Variants in FAM210B observed in about 807,000 individuals in gnomAD.
The protein encoded by FAM210B is mitochondrial inner membrane scaffold 2, also known as family with sequence similarity 210 member B.
A neutral mutation model predicts 14.9 loss-of-function variants in FAM210B; 11 were observed. The observed-to-expected ratio is 0.74, with a 90% CI of 0.46 to 1.22. The LOEUF (loss-of-function observed/expected upper bound fraction) is 1.22, where lower values mean the gene tolerates loss of function less well. Ranked by LOEUF, FAM210B falls within the 50% of genes most tolerant of loss-of-function variation. The probability of loss-of-function intolerance (pLI) is 0.00; values close to 1 mark genes in which losing one functional copy is unlikely to be tolerated. For missense variants in FAM210B, 229 were observed against 250.1 expected (o/e 0.92, Z 0.57); for synonymous variants, 113 against 110.2 (o/e 1.03, Z -0.16).
At chr20:56,364,963 A>T in intron 1 of FAM210B, 124 bp from the exon 2 acceptor site, 3 of 928,440 alleles carry the variant, frequency 3.2e-6, no homozygotes, top group Non-Finnish European at 4.6e-6. Flanking sequence ...CAAAAGAAAA[A>T]GGAAAGGGGT....
At chr20:56,365,060 ACCT>A in intron 1 of FAM210B, 24 bp from the exon 2 acceptor site, 1 of 1,598,666 alleles carries the variant, frequency 6.3e-7, no homozygotes, top group Non-Finnish European at 8.5e-7. Flanking sequence ...GCCCTAAAGC[ACCT>A]CCTCTTCTCT....
In FAM210B at chr20:56,359,576, A is replaced by G. The variant is rs1162066689; in HGVS notation, c.186+385A>G. On this transcript the variant is annotated intron_variant, in intron 1 of 2. Coordinates refer to ENST00000371384, the MANE Select transcript of FAM210B (RefSeq NM_080821.3). The surrounding 1 kb of genome is among the most constrained non-coding windows in gnomAD (Gnocchi z 4.3). ...CTCGCTGTGTTTTGAACACCTCCCG[A>G]CGCTCGCTGCTCCTCCCTTTTCTTC... Among the ~76,000 whole-genome samples the G allele has an allele frequency of 2.6e-5, 4 of 152,088 alleles. No individual in the cohort carries two copies. Among genetic ancestry groups the G allele is most frequent in the African/African-American group, 9.7e-5 (4 of 41,406 alleles).
At chr20:56,364,174 A>G (rs1435917958) in intron 1 of FAM210B, among the ~76,000 whole-genome samples, 1 of 152,248 alleles carries the variant, frequency 6.6e-6, no homozygotes, top group East Asian at 1.9e-4. Context: ...GGTTTAAAAC[A>G]ATCCACATTT....
intron 1 of FAM210B, among the ~76,000 whole-genome samples, chr20:56,364,723 G>T (rs1266707889): frequency 2.0e-5 from 3 of 152,180 alleles, no homozygotes; most frequent in Non-Finnish European, 4.4e-5. Flanking sequence ...GGGAGGCCAA[G>T]GCGGGTGGAT....
chr20:56,360,326 G>C (rs576108881), intron 1 of FAM210B: 2 of 450,530 alleles, frequency 4.4e-6, no homozygotes, highest in East Asian at 7.0e-5. Context: ...GTGAGGTCTC[G>C]GATGCCTCCA....
In FAM210B at chr20:56,359,401, G is replaced by A. The variant is rs1983487487; in HGVS notation, c.186+210G>A. On this transcript the variant is annotated intron_variant, in intron 1 of 2. Coordinates refer to ENST00000371384, the MANE Select transcript of FAM210B (RefSeq NM_080821.3). This position sits in a 1 kb window ranked among gnomAD's most constrained non-coding sequence, Gnocchi z 4.3. ...TGACAGCCAGAGAAACTGAGGCTCG[G>A]GAAGGTGTGGCGCTCTGCCCAAGGT... Among the ~76,000 whole-genome samples, 3 of 152,250 alleles carry A rather than the reference G, an allele frequency of 2.0e-5. No homozygotes were observed. The South Asian group carries it at 6.2e-4, about 31-fold the overall frequency.
At position 56,366,235 on chromosome 20, in the gene FAM210B, T is replaced by G; in HGVS notation, c.527T>G (p.Val176Gly). 6.2e-7 allele frequency: 1 copy of G among 1,614,158 alleles called. No homozygotes were observed. Among genetic ancestry groups the G allele is most frequent in the Non-Finnish European group, 8.5e-7 (1 of 1,180,028 alleles). Residue 176 changes from valine (V) to glycine (G), a missense_variant, in exon 3 of 3, where the codon GTC becomes GGC. Physicochemically the swap from Val to Gly is moderately radical, Grantham distance 109. Coordinates refer to ENST00000371384, the MANE Select transcript of FAM210B (RefSeq NM_080821.3). The part of the protein sequence containing the change: ...SITLVSVPLI[V>G]RYFRKVGFFK... ...ACGCTAGTCTCTGTGCCCTTGATTG[T>G]CAGATATTTTCGAAAAGTGGGATTT... is the stretch of plus-strand genomic sequence containing the variant.
rs1361408880 is a variant in FAM210B at position 56,363,127 on chromosome 20, C to T, written c.187-1960C>T. ...AGAAAGGGGGGCTGATGACATCTTCCCTCCTCCCCTCCAGAGCCTGGACAT... is the reference window on the plus strand; with the variant it reads ...AGAAAGGGGGGCTGATGACATCTTCTCTCCTCCCCTCCAGAGCCTGGACAT... On this transcript the variant is annotated intron_variant, in intron 1 of 2. Coordinates refer to ENST00000371384, the MANE Select transcript of FAM210B (RefSeq NM_080821.3). The surrounding 1 kb of genome is among the most constrained non-coding windows in gnomAD (Gnocchi z 4.1). 6.6e-6 allele frequency among the ~76,000 whole-genome samples: 1 copy of T among 152,206 alleles called. No individual in the cohort carries two copies. The highest frequency in any genetic ancestry group is 1.5e-5 in the Non-Finnish European group (1 of 68,040).
chr20:56,360,544 TTC>T (rs964292122), intron 1 of FAM210B: 2 of 212,694 alleles, frequency 9.4e-6, no homozygotes, highest in African/African-American at 4.6e-5. Flanking sequence ...TCAAATTCCC[TTC>T]TCTCTATCTC....
rs981279351 is a variant in FAM210B at position 56,360,330 on chromosome 20, G to C, written c.186+1139G>C. ...TCTAACGACCTGTGAGGTCTCGGATGCCTCCACTGGGCCTGCTTCCACCCC... is the reference window on the plus strand; with the variant it reads ...TCTAACGACCTGTGAGGTCTCGGATCCCTCCACTGGGCCTGCTTCCACCCC... On this transcript the variant is annotated intron_variant, in intron 1 of 2. Coordinates refer to ENST00000371384, the MANE Select transcript of FAM210B (RefSeq NM_080821.3). 9.6e-5 allele frequency: 43 copies of C among 447,358 alleles called. No homozygotes were observed. The East Asian group carries it at 3.0e-3, about 31-fold the overall frequency. The allele number at this position is 447,358 out of a possible 1,614,324, so 27.7% of individuals were successfully genotyped here. A position where few individuals can be genotyped will look rare whatever the true frequency, so the allele number is the denominator to read the frequency against.
rs2146110322 is a variant in FAM210B, at chr20:56,367,395, T to A, written c.*1108T>A. 1 of 152,524 alleles carries A rather than the reference T, an allele frequency of 6.6e-6. No individual in the cohort carries two copies. Among genetic ancestry groups the A allele is most frequent in the East Asian group, 1.9e-4 (1 of 5,184 alleles). The allele number at this position is 152,524 out of a possible 1,614,324, so 9.4% of individuals were successfully genotyped here. ...GGCTCACGCCTGTAATCCCAGCACT[T>A]TGGGAGGTTGAGGCAGGCGTGTCAC... On this transcript the variant is annotated 3_prime_UTR_variant, in exon 3 of 3. Transcript: ENST00000371384.
chr20:56,364,460 G>A (rs537680646), intron 1 of FAM210B, among the ~76,000 whole-genome samples: 22 of 152,272 alleles, frequency 1.4e-4, no homozygotes, highest in Non-Finnish European at 2.1e-4. Context: ...TTGTGATGAC[G>A]TTGGTAATAA....
chr20:56,364,546 A>G (rs1199290315), intron 1 of FAM210B, among the ~76,000 whole-genome samples: 1 of 152,214 alleles, frequency 6.6e-6, no homozygotes, highest in Non-Finnish European at 1.5e-5. Flanking sequence ...TCTGCCATGT[A>G]AGGTGACATA....
chr20:56,364,944 ACT>A (rs1217953339), intron 1 of FAM210B, 141 bp from the exon 2 acceptor site: 6 of 764,630 alleles, frequency 7.8e-6, no homozygotes, highest in South Asian at 2.2e-5. Context: ...ACAGAGTGAG[ACT>A]CTGTCTCAAA....
chr20:56,365,282 T>C lies in FAM210B; in HGVS notation c.362+20T>C. On this transcript the variant is annotated intron_variant, in intron 2 of 2. Transcript: ENST00000371384. ...GTCAAGGTAAGATTTTTGACAGTAA[T>C]TAATATTTGTTTTTTACTGTCATGT... 1 of 1,601,936 alleles carries C rather than the reference T, an allele frequency of 6.2e-7. No homozygotes were observed. Among genetic ancestry groups the C allele is most frequent in the Non-Finnish European group, 8.5e-7 (1 of 1,173,608 alleles).
At position 56,365,030 on chromosome 20, in the gene FAM210B, G is replaced by A. The variant is rs567958304; in HGVS notation, c.187-57G>A. On this transcript the variant is annotated intron_variant, in intron 1 of 2. Coordinates refer to ENST00000371384, the MANE Select transcript of FAM210B (RefSeq NM_080821.3). The stretch of plus-strand genomic sequence containing the variant: ...AACATTGCATGCGTGTATAAAAGCC[G>A]GTAATGACTGCCCGTGCCTGCCCTA... 61 of 1,535,512 alleles carry A rather than the reference G, an allele frequency of 4.0e-5. No individual in the cohort carries two copies. In the African/African-American group the frequency reaches 4.8e-4, roughly 12 times the overall value.
At position 56,359,231 on chromosome 20, in the gene FAM210B, A is replaced by C. The variant is rs777154181; in HGVS notation, c.186+40A>C. ...CCGACCCTGATCCCGGGCGGTGTCC[A>C]GGTCCCCAGACGTCCGCAGGGCCGC... On this transcript the variant is annotated intron_variant, in intron 1 of 2. Coordinates refer to ENST00000371384, the MANE Select transcript of FAM210B (RefSeq NM_080821.3). This position sits in a 1 kb window ranked among gnomAD's most constrained non-coding sequence, Gnocchi z 4.3. The C allele has an allele frequency of 3.3e-6, 4 of 1,220,116 alleles. No individual in the cohort carries two copies. The African/African-American group carries it at 6.3e-5, about 19-fold the overall frequency. 75.6% of individuals were successfully genotyped at this position (1,220,116 alleles called of 1,614,324 possible). A position where few individuals can be genotyped will look rare whatever the true frequency, so the allele number is the denominator to read the frequency against.
At chr20:56,360,129 A>G in intron 1 of FAM210B, 1 of 464,044 alleles carries the variant, frequency 2.2e-6, no homozygotes, top group South Asian at 1.6e-5. Context: ...GATTGGACCC[A>G]GGCTTTCATC....
intron 2 of FAM210B, 38 bp from the exon 3 acceptor site, chr20:56,366,033 T>C: frequency 6.7e-7 from 1 of 1,482,220 alleles, no homozygotes; most frequent in South Asian, 1.1e-5. Flanking sequence ...TTTAATCCCT[T>C]GCTGTAATAA....
Sources: gnomAD v4.1 joint callset for allele counts (sites outside exome capture counted in the v4.1 genomes callset) on GRCh38, gnomAD v4.1.1 for gene constraint, Gnocchi (gnomAD v3.1) non-coding constraint, MANE v1.5 for transcripts, NCBI Gene and HGNC (gene_info 2026-07-23, HGNC 2026-07-21) for gene names.